Variants in IQSEC1 observed in about 807,000 individuals in gnomAD.
The protein encoded by IQSEC1 is IQ motif and SEC7 domain-containing protein 1.
A neutral mutation model predicts 91.0 loss-of-function variants in IQSEC1; 31 were observed. The observed-to-expected ratio is 0.34, with a 90% CI of 0.26 to 0.46. The LOEUF is 0.46. Ranked by LOEUF, IQSEC1 falls within the 20% of genes least tolerant of loss-of-function variation. The pLI, the probability that IQSEC1 is intolerant of heterozygous loss-of-function variation, is 1.00. For missense variants in IQSEC1, 1,388 were observed against 1,575.6 expected (o/e 0.88, Z 2.02); for synonymous variants, 699 against 662.6 (o/e 1.05, Z -0.84).
chr3:13,156,974 A>G (rs1454650373), intron 2 of IQSEC1, among the ~76,000 whole-genome samples: 1 of 152,204 alleles, frequency 6.6e-6, no homozygotes, highest in African/African-American at 2.4e-5. Context: ...CAAGATCAAG[A>G]AAACTCTTGA....
chr3:13,180,170 C>T (rs1320758269), intron 1 of IQSEC1, among the ~76,000 whole-genome samples: 1 of 152,208 alleles, frequency 6.6e-6, no homozygotes, highest in Non-Finnish European at 1.5e-5. Context: ...GTGAAGCCTG[C>T]TGGGCTCCTG....
intron 1 of IQSEC1, among the ~76,000 whole-genome samples, chr3:13,069,152 C>A (rs2125107001): frequency 6.6e-6 from 1 of 152,272 alleles, no homozygotes; most frequent in African/African-American, 2.4e-5. Flanking sequence ...GTGGGTCATT[C>A]ATAATAACCA....
intron 1 of IQSEC1, among the ~76,000 whole-genome samples, chr3:12,942,829 G>A (rs1165415293): frequency 6.6e-6 from 1 of 152,178 alleles, no homozygotes; most frequent in Non-Finnish European, 1.5e-5. Flanking sequence ...TGTAGGCAGA[G>A]ATGAGGCCAC....
chr3:13,153,709 G>A (rs1469835197), intron 2 of IQSEC1, among the ~76,000 whole-genome samples: 5 of 152,166 alleles, frequency 3.3e-5, no homozygotes, highest in Admixed American at 2.0e-4. Context: ...GGTGCTGTGC[G>A]TGTCTTTCCT....
At chr3:13,210,399 A>C (rs554999830) in intron 1 of IQSEC1, among the ~76,000 whole-genome samples, 1 of 151,800 alleles carries the variant, frequency 6.6e-6, no homozygotes, top group South Asian at 2.1e-4. Flanking sequence ...CAGGGGTTGC[A>C]CCTCCCTGGG....
chr3:12,902,670 C>CAAAAAAAAAAAAAAAAAAAAAAAACAAAA (rs1694481032), intron 13 of IQSEC1, 103 bp downstream of exon 13: 3 of 192,646 alleles, frequency 1.6e-5, no homozygotes, highest in African/African-American at 1.4e-4. Flanking sequence ...AAAAAAAAAC[C>CAAAAAAAAAAAAAAAAAAAAAAAACAAAA]AAAAAAAAAA....
intron 2 of IQSEC1, among the ~76,000 whole-genome samples, chr3:13,143,852 C>T (rs1706841058): frequency 6.6e-6 from 1 of 152,170 alleles, no homozygotes; most frequent in Non-Finnish European, 1.5e-5. Flanking sequence ...TGCAGCCTTG[C>T]CTGATGCCAG....
intron 1 of IQSEC1, among the ~76,000 whole-genome samples, chr3:13,069,144 G>C (rs398063): frequency 1.3e-5 from 2 of 152,020 alleles, no homozygotes; most frequent in African/African-American, 2.4e-5. Flanking sequence ...AGTGCTGTGT[G>C]GGTCATTCAT....
At chr3:13,199,792 TG>T (rs1694205637) in intron 1 of IQSEC1, among the ~76,000 whole-genome samples, 1 of 22 alleles carries the variant, frequency 0.045, no homozygotes, top group African/African-American at 0.25. Context: ...TCCAGGCAAA[TG>T]CTGCCAGGAC....
At chr3:13,082,989 T>TCCTG (rs2125130376) in intron 2 of IQSEC1, among the ~76,000 whole-genome samples, 1 of 152,312 alleles carries the variant, frequency 6.6e-6, no homozygotes, top group African/African-American at 2.4e-5. Flanking sequence ...GAGTGTCTAT[T>TCCTG]CCTGCCCCGC....
chr3:12,988,613 C>T (rs1017592895), intron 1 of IQSEC1, among the ~76,000 whole-genome samples: 13 of 151,804 alleles, frequency 8.6e-5, no homozygotes, highest in African/African-American at 2.7e-4. Context: ...ATAGGTGGTA[C>T]GACAGGAAGG....
At chr3:13,020,291 C>G (rs1703340440) in intron 1 of IQSEC1, among the ~76,000 whole-genome samples, 1 of 152,344 alleles carries the variant, frequency 6.6e-6, no homozygotes, top group Admixed American at 6.5e-5. Context: ...CGCTGACTCA[C>G]TCCAGGGCTG....
intron 2 of IQSEC1, among the ~76,000 whole-genome samples, chr3:13,121,598 G>A (rs574235380): frequency 1.1e-4 from 17 of 152,338 alleles, no homozygotes; most frequent in South Asian, 2.1e-4. Context: ...TCATGCACCC[G>A]TAATTGATGT....
intron 1 of IQSEC1, among the ~76,000 whole-genome samples, chr3:13,185,101 T>C (rs1693908441): frequency 1.3e-5 from 2 of 152,166 alleles, no homozygotes. Context: ...CCACGCAGAC[T>C]GGGGCAGTTG....
At position 12,897,399 on chromosome 3, in the gene IQSEC1, AAC is replaced by A; in HGVS notation, c.*3582_*3583del. ...AGGGAGGTGTCCCTTGAAGTCTCTG[AAC>A]AGTCTGGGGATTCAGGACCTGATTC... is the stretch of plus-strand genomic sequence containing the variant. On this transcript the variant is annotated 3_prime_UTR_variant, in exon 14 of 14. Coordinates refer to ENST00000613206, the MANE Select transcript of IQSEC1 (RefSeq NM_001134382.3). 6.6e-6 allele frequency: 1 copy of A among 152,318 alleles called. No homozygotes were observed. The highest frequency in any genetic ancestry group is 1.9e-4 in the East Asian group (1 of 5,196). 9.4% of individuals were successfully genotyped at this position (152,318 alleles called of 1,614,324 possible).
chr3:13,275,851 C>G (rs948585249), intron 1 of IQSEC1, among the ~76,000 whole-genome samples: 2 of 152,206 alleles, frequency 1.3e-5, no homozygotes, highest in Non-Finnish European at 2.9e-5. Context: ...GCAGGCAGTG[C>G]AGGGCCCGGC....
intron 2 of IQSEC1, among the ~76,000 whole-genome samples, chr3:13,107,176 G>A (rs575165087): frequency 6.6e-6 from 1 of 152,286 alleles, no homozygotes; most frequent in Non-Finnish European, 1.5e-5. Flanking sequence ...ATCCACTCCC[G>A]AGAGATGTCT....
intron 1 of IQSEC1, among the ~76,000 whole-genome samples, chr3:13,225,915 T>G (rs1694745472): frequency 6.6e-6 from 1 of 152,162 alleles, no homozygotes; most frequent in South Asian, 2.1e-4. Flanking sequence ...AGTCCCACTC[T>G]GTCTCCCAGG....
chr3:12,958,483 A>T (rs544186557), intron 1 of IQSEC1, among the ~76,000 whole-genome samples: 1 of 152,178 alleles, frequency 6.6e-6, no homozygotes, highest in Non-Finnish European at 1.5e-5. Context: ...ATAATAACAC[A>T]CACAAAATCC....
Sources: allele counts gnomAD v4.1 joint callset (sites outside exome capture counted in the v4.1 genomes callset), GRCh38; gene constraint gnomAD v4.1.1; transcripts MANE v1.5; gene names NCBI Gene and HGNC (gene_info 2026-07-23, HGNC 2026-07-21).